The following DOCK1 variants were observed in gnomAD, a reference collection of about 807,000 sequenced individuals.
DOCK1 encodes dedicator of cytokinesis 1, also known as dedicator of cytokinesis protein 1.
DOCK1 carries 138 observed loss-of-function variants against 262.7 expected under a neutral mutation model. That is an observed-to-expected ratio of 0.53 (90% CI 0.46 to 0.61). The LOEUF is 0.61. DOCK1 is among the 20% of genes least tolerant of loss of function. The probability of loss-of-function intolerance (pLI) is 0.00; values close to 1 mark genes in which losing one functional copy is unlikely to be tolerated. For missense variants in DOCK1, 1,908 were observed against 2,370.7 expected, an observed-to-expected ratio of 0.80 and a Z score of 4.05; for synonymous variants, 866 against 867.4, an observed-to-expected ratio of 1.00 and a Z score of 0.03.
At chr10:127,355,148 T>TTGTATTTAGGTACGCTGCC (rs146792264) in intron 32 of DOCK1, among the ~76,000 whole-genome samples, 47,871 of 151,900 alleles carry the variant, frequency 0.32, 8,017 homozygotes, top group Middle Eastern at 0.44. Flanking sequence ...AAACCAGATC[T>TTGTATTTAGGTACGCTGCC]ACCTGGTGGC....
chr10:126,960,656 A>C (rs1174609015), intron 1 of DOCK1, among the ~76,000 whole-genome samples: 2 of 150,532 alleles, frequency 1.3e-5, no homozygotes, highest in East Asian at 3.9e-4. Flanking sequence ...CATAATGACA[A>C]AGCCTCTTCT....
chr10:127,249,048 C>G (rs939841248), intron 28 of DOCK1, among the ~76,000 whole-genome samples: 1 of 152,096 alleles, frequency 6.6e-6, no homozygotes, highest in Admixed American at 6.6e-5. Flanking sequence ...TTATCTTCCA[C>G]GAAACTGATC....
intron 29 of DOCK1, among the ~76,000 whole-genome samples, chr10:127,308,300 C>T (rs1419405244): frequency 2.6e-5 from 4 of 152,196 alleles, no homozygotes; most frequent in South Asian, 2.1e-4. Context: ...CTTGCCACCT[C>T]GTTGGTGGAG....
chr10:127,056,810 G>T (rs928989854), intron 22 of DOCK1, among the ~76,000 whole-genome samples: 1 of 152,138 alleles, frequency 6.6e-6, no homozygotes, highest in Non-Finnish European at 1.5e-5. Flanking sequence ...GCACCTAGCC[G>T]CATTGTGCAG....
chr10:127,037,950 G>C (rs7085407), intron 19 of DOCK1, 134 bp downstream of exon 19: 675,661 of 731,482 alleles, frequency 0.92, 312,249 homozygotes, highest in African/African-American at 0.95. Context: ...TAGTGACATA[G>C]GGATTGGGTG....
chr10:126,944,843 A>G (rs917828054), intron 1 of DOCK1, among the ~76,000 whole-genome samples: 3 of 151,932 alleles, frequency 2.0e-5, no homozygotes, highest in Non-Finnish European at 4.4e-5. Context: ...GCTGAAAACA[A>G]TGTTTTTGTT....
chr10:127,380,753 T>A (rs1001516404), intron 36 of DOCK1, among the ~76,000 whole-genome samples: 1 of 152,032 alleles, frequency 6.6e-6, no homozygotes, highest in African/African-American at 2.4e-5. Context: ...ACAGCATGAG[T>A]TTTTAGTGAT....
In DOCK1 at chr10:127,389,843, G is replaced by A. The variant is rs11017812; in HGVS notation, c.3927+4934G>A. On this transcript the variant is annotated intron_variant, in intron 38 of 51. Transcript: ENST00000623213. ...AGCCTGGCCAATATGACAAAACCCC[G>A]TTTCTACTGAAAATACAAAAATTAG... Among the ~76,000 whole-genome samples the A allele has an allele frequency of 9.6e-3, 1,461 of 152,104 alleles. 27 individuals are homozygous for A. Among genetic ancestry groups the A allele is most frequent in the African/African-American group, 0.033 (1,369 of 41,478 alleles).
intron 31 of DOCK1, among the ~76,000 whole-genome samples, chr10:127,346,181 T>C (rs941333319): frequency 6.6e-6 from 1 of 152,140 alleles, no homozygotes; most frequent in African/African-American, 2.4e-5. Flanking sequence ...GAAATCTGCC[T>C]CAAAAGAGCT....
chr10:126,954,398 G>GT (rs1554961411), intron 1 of DOCK1, among the ~76,000 whole-genome samples: 1 of 152,186 alleles, frequency 6.6e-6, no homozygotes, highest in Non-Finnish European at 1.5e-5. Flanking sequence ...ATCTTGAAAT[G>GT]TTTTTTCTAT....
chr10:127,159,952 C>T (rs531200836), intron 27 of DOCK1, among the ~76,000 whole-genome samples: 1 of 152,188 alleles, frequency 6.6e-6, no homozygotes, highest in South Asian at 2.1e-4. Flanking sequence ...GTCAGCAGGG[C>T]CCTGGGTGTT....
intron 37 of DOCK1, among the ~76,000 whole-genome samples, chr10:127,381,607 C>T (rs2065828555): frequency 6.6e-6 from 1 of 152,214 alleles, no homozygotes; most frequent in Non-Finnish European, 1.5e-5. Flanking sequence ...GCATTATAAA[C>T]TCCCATCACT....
intron 29 of DOCK1, among the ~76,000 whole-genome samples, chr10:127,263,436 C>G (rs1398016956): frequency 6.6e-6 from 1 of 152,252 alleles, no homozygotes; most frequent in Non-Finnish European, 1.5e-5. Flanking sequence ...GTACGGTGTT[C>G]ACTTGGTTAT....
At chr10:127,101,847 T>A (rs945371534) in intron 23 of DOCK1, among the ~76,000 whole-genome samples, 1 of 152,194 alleles carries the variant, frequency 6.6e-6, no homozygotes, top group Non-Finnish European at 1.5e-5. Context: ...CCTCACCCTC[T>A]GGGCGTTCGC....
At chr10:127,037,655 G>T in intron 18 of DOCK1, 64 bp from the exon 19 acceptor site, 3 of 1,405,158 alleles carry the variant, frequency 2.1e-6, no homozygotes, top group Non-Finnish European at 2.9e-6. Flanking sequence ...CATAATGCAT[G>T]ATTAACAGAG....
In DOCK1 at chr10:127,317,285, C is replaced by T. The variant is rs549802519; in HGVS notation, c.3045-21721C>T. Among the ~76,000 whole-genome samples, 3 of 152,304 alleles carry T rather than the reference C, an allele frequency of 2.0e-5. No homozygotes were observed. In the East Asian group the frequency reaches 5.8e-4, roughly 29 times the overall value. ...TCACGTCCGTACATCTGAGTTTGGA[C>T]TAGGAGAGTGACTTAGTTCACTACA... On this transcript the variant is annotated intron_variant, in intron 29 of 51. Coordinates refer to ENST00000623213, the MANE Select transcript of DOCK1 (RefSeq NM_001290223.2).
At chr10:127,303,951 C>T (rs912526023) in intron 29 of DOCK1, among the ~76,000 whole-genome samples, 9 of 152,192 alleles carry the variant, frequency 5.9e-5, no homozygotes, top group East Asian at 1.9e-4. Context: ...AAACCCAGTG[C>T]GGGCTTATCA....
rs989292642 is a variant in DOCK1 at position 126,963,581 on chromosome 10, C to T, written c.47-7121C>T. On this transcript the variant is annotated intron_variant, in intron 1 of 51. Coordinates refer to ENST00000623213, the MANE Select transcript of DOCK1 (RefSeq NM_001290223.2). ...GCTTCCCTCCTCTCCCTCTCCTTCC[C>T]TCCCTTCCCTTCCCTTCCCTTCCCT... 2.4e-4 allele frequency among the ~76,000 whole-genome samples: 16 copies of T among 67,920 alleles called. No homozygotes were observed. In the East Asian group the frequency reaches 2.7e-3, roughly 12 times the overall value. 44.6% of individuals were successfully genotyped at this position (67,920 alleles called of 152,430 possible). A position where few individuals can be genotyped will look rare whatever the true frequency, so the allele number is the denominator to read the frequency against.
At position 127,444,142 on chromosome 10, in the gene DOCK1, C is replaced by T; in HGVS notation, c.5276C>T (p.Pro1759Leu). The T allele has an allele frequency of 2.5e-6, 4 of 1,570,418 alleles. No individual in the cohort carries two copies. Among genetic ancestry groups the T allele is most frequent in the Middle Eastern group, 1.7e-4 (1 of 6,026 alleles). ...TTGATGTAGATAAGTCCCCTGCGGC[C>T]CCAGAGACCGAAGAGCCAGGTGATG... ...ILSETISPLRPQRPKSQVMNV... is the reference protein window; with the variant it reads ...ILSETISPLRLQRPKSQVMNV... The change falls in exon 50 of 52, where the codon CCC (proline) becomes CTC (leucine). Residue 1759 changes from proline (P) to leucine (L), a missense_variant. Around this residue, in one of 9 missense-constraint regions of DOCK1, gnomAD observed 383 missense variants for 420.1 expected, o/e 0.91. Transcript: ENST00000623213.
Sources: allele counts gnomAD v4.1 joint callset (sites outside exome capture counted in the v4.1 genomes callset), GRCh38; gene constraint gnomAD v4.1.1; regional missense constraint gnomAD v4.1.1; transcripts MANE v1.5; gene names NCBI Gene and HGNC (gene_info 2026-07-23, HGNC 2026-07-21).